Variants in FBXL7 observed in about 807,000 individuals in gnomAD.
The protein encoded by FBXL7 is F-box/LRR-repeat protein 7.
Under a neutral mutation model 38.3 loss-of-function variants are expected in FBXL7, and 12 were observed. That is an observed-to-expected ratio of 0.31 (90% CI 0.20 to 0.51). FBXL7 has a LOEUF of 0.51. FBXL7 is among the 20% of genes least tolerant of loss of function. The pLI is 0.98. For missense variants in FBXL7, 567 were observed against 676.4 expected (o/e 0.84, Z 1.79); for synonymous variants, 297 against 300.9 (o/e 0.99, Z 0.13).
intron 1 of FBXL7, among the ~76,000 whole-genome samples, chr5:15,608,875 G>A (rs552958271): frequency 1.3e-5 from 2 of 152,264 alleles, no homozygotes; most frequent in African/African-American, 4.8e-5. Context: ...TTTCTCTGGA[G>A]AACCTTGACT....
At chr5:15,884,994 T>A (rs560649234) in intron 2 of FBXL7, among the ~76,000 whole-genome samples, 32 of 152,314 alleles carry the variant, frequency 2.1e-4, no homozygotes, top group African/African-American at 6.5e-4. Context: ...CTTGGGTGAC[T>A]TACAACAACA....
chr5:15,864,116 A>C (rs969206480), intron 2 of FBXL7, among the ~76,000 whole-genome samples: 13 of 151,924 alleles, frequency 8.6e-5, no homozygotes, highest in Non-Finnish European at 1.6e-4. Context: ...CTTTATAGCA[A>C]CCCAAATGGA....
In FBXL7 at chr5:15,928,491, G is replaced by A. The variant is rs1039102730; in HGVS notation, c.729G>A (p.Leu243=). 6.2e-7 allele frequency: 1 copy of A among 1,610,210 alleles called. No individual in the cohort carries two copies. The highest frequency in any genetic ancestry group is 1.7e-5 in the Admixed American group (1 of 59,908). The change falls in exon 3 of 4, where the codon CTG becomes CTA. Residue 243 remains leucine (L), a synonymous_variant. Coordinates refer to ENST00000504595, the MANE Select transcript of FBXL7 (RefSeq NM_012304.5). The surrounding 1 kb of genome is among the most constrained non-coding windows in gnomAD (Gnocchi z 4.0). ...VVSLCPNLEH[L]DVSGCSKVTC... ...CCCTCTGCCCTAATCTGGAGCACCT[G>A]GATGTGTCAGGTAAATGGACACTGA...
intron 2 of FBXL7, among the ~76,000 whole-genome samples, chr5:15,796,723 C>A (rs974760301): frequency 5.3e-5 from 8 of 152,314 alleles, no homozygotes; most frequent in African/African-American, 1.7e-4. Flanking sequence ...TTTTCCCTCT[C>A]TTTGGCACCA....
At chr5:15,636,881 T>A (rs13165880) in intron 2 of FBXL7, among the ~76,000 whole-genome samples, 53,641 of 151,970 alleles carry the variant, frequency 0.35, 9,741 homozygotes, top group East Asian at 0.51. Context: ...TCTGATACAT[T>A]CTTAATCAGA....
intron 2 of FBXL7, among the ~76,000 whole-genome samples, chr5:15,631,744 G>C (rs1458001804): frequency 6.7e-6 from 1 of 150,306 alleles, no homozygotes; most frequent in Non-Finnish European, 1.5e-5. Flanking sequence ...AGAGTTCAGA[G>C]GTAGACTGAA....
At chr5:15,747,160 A>C (rs971350525) in intron 2 of FBXL7, among the ~76,000 whole-genome samples, 5 of 152,212 alleles carry the variant, frequency 3.3e-5, no homozygotes, top group Admixed American at 3.3e-4. Context: ...AATCCAGATG[A>C]AGATGTTTCA....
intron 1 of FBXL7, among the ~76,000 whole-genome samples, chr5:15,596,879 C>T (rs558656464): frequency 1.1e-4 from 16 of 152,312 alleles, no homozygotes; most frequent in Non-Finnish European, 2.2e-4. Context: ...CCACATACCT[C>T]GCCCTGTGCA....
At chr5:15,897,123 A>T (rs902184935) in intron 2 of FBXL7, among the ~76,000 whole-genome samples, 6 of 151,942 alleles carry the variant, frequency 3.9e-5, no homozygotes, top group Non-Finnish European at 8.8e-5. Flanking sequence ...ATGGAGTGAG[A>T]CTCTATCTCT....
At chr5:15,888,077 TA>T (rs1333354212) in intron 2 of FBXL7, among the ~76,000 whole-genome samples, 1 of 152,216 alleles carries the variant, frequency 6.6e-6, no homozygotes, top group African/African-American at 2.4e-5. Flanking sequence ...TTAAAGGAGA[TA>T]AGTGCTTTTA....
intron 2 of FBXL7, among the ~76,000 whole-genome samples, chr5:15,838,318 A>T (rs1738645810): frequency 6.6e-6 from 1 of 152,184 alleles, no homozygotes; most frequent in Non-Finnish European, 1.5e-5. Flanking sequence ...GCCTAGTAAC[A>T]GCTCAATTCC....
chr5:15,541,441 G>GTATATATATATA (rs35405191), intron 1 of FBXL7, among the ~76,000 whole-genome samples: 82 of 53,332 alleles, frequency 1.5e-3, no homozygotes, highest in African/African-American at 2.1e-3. Context: ...ATGTGTGTGT[G>GTATATATATATA]TGTATATATA....
chr5:15,886,537 G>C (rs1222478854), intron 2 of FBXL7, among the ~76,000 whole-genome samples: 1 of 152,134 alleles, frequency 6.6e-6, no homozygotes, highest in Middle Eastern at 3.2e-3. Context: ...GTTGCTTAGT[G>C]CATCCCCAAA....
intron 2 of FBXL7, among the ~76,000 whole-genome samples, chr5:15,819,899 A>T (rs749624675): frequency 6.6e-6 from 1 of 152,148 alleles, no homozygotes; most frequent in African/African-American, 2.4e-5. Flanking sequence ...GTGGTTGTTC[A>T]TCTTCAGTGG....
chr5:15,729,733 A>G (rs1735521609), intron 2 of FBXL7, among the ~76,000 whole-genome samples: 1 of 152,162 alleles, frequency 6.6e-6, no homozygotes, highest in African/African-American at 2.4e-5. Flanking sequence ...TGAGCCGTAA[A>G]TAGTAATGAT....
At chr5:15,722,933 A>AAAAAAC (rs1262913415) in intron 2 of FBXL7, among the ~76,000 whole-genome samples, 8 of 151,960 alleles carry the variant, frequency 5.3e-5, no homozygotes, top group Admixed American at 2.0e-4. Context: ...AAAAAAACAA[A>AAAAAAC]AAAAAAAAGA....
In FBXL7 at chr5:15,567,423, G is replaced by A. The variant is rs182407073; in HGVS notation, c.38-48560G>A. Among the ~76,000 whole-genome samples, 304 of 151,512 alleles carry A rather than the reference G, an allele frequency of 2.0e-3. 2 individuals carry two copies. The highest frequency in any genetic ancestry group is 7.1e-3 in the African/African-American group (292 of 41,046). On this transcript the variant is annotated intron_variant, in intron 1 of 3. Coordinates refer to ENST00000504595, the MANE Select transcript of FBXL7 (RefSeq NM_012304.5). ...ATATTAAATATTTTTGAAATTTTGC[G>A]TTTCTCTCCCTTTATTCTTCTTCAC...
intron 1 of FBXL7, among the ~76,000 whole-genome samples, chr5:15,507,673 G>A (rs902732765): frequency 3.3e-5 from 5 of 152,176 alleles, no homozygotes; most frequent in Non-Finnish European, 7.3e-5. Flanking sequence ...TTGAATGGAT[G>A]AAGGGAATAA....
chr5:15,527,170 C>A (rs1002518435), intron 1 of FBXL7, among the ~76,000 whole-genome samples: 6 of 152,152 alleles, frequency 3.9e-5, no homozygotes, highest in Non-Finnish European at 5.9e-5. Context: ...CTAACTTGAG[C>A]TTAAATTAAC....
Sources: gnomAD v4.1 joint callset for allele counts (sites outside exome capture counted in the v4.1 genomes callset) on GRCh38, gnomAD v4.1.1 for gene constraint, Gnocchi (gnomAD v3.1) non-coding constraint, MANE v1.5 for transcripts, NCBI Gene and HGNC (gene_info 2026-07-23, HGNC 2026-07-21) for gene names.